SEC23A: variants seen among roughly 807,000 people sequenced by gnomAD.
The protein encoded by SEC23A is SEC23 homolog A, COPII component.
In SEC23A, 56 loss-of-function variants were observed where a neutral mutation model predicts 103.7. That is an observed-to-expected ratio of 0.54 (90% confidence interval 0.44 to 0.67). The LOEUF (loss-of-function observed/expected upper bound fraction) is 0.67. Among genes scored for constraint, SEC23A ranks in the 30% least tolerant of loss-of-function variants. SEC23A has a pLI of 0.00. For missense variants in SEC23A, 784 were observed against 936.4 expected (o/e 0.84, Z 2.12); for synonymous variants, 281 against 293.0 (o/e 0.96, Z 0.42).
chr14:39,075,889 A>T, intron 8 of SEC23A, 46 bp downstream of exon 8: 1 of 1,520,094 alleles, frequency 6.6e-7, no homozygotes, highest in Non-Finnish European at 9.1e-7. Flanking sequence ...CAGCAAATGA[A>T]TACCTGTTTT....
intron 13 of SEC23A, among the ~76,000 whole-genome samples, chr14:39,060,090 T>G (rs1168080929): frequency 6.8e-6 from 1 of 147,180 alleles, no homozygotes; most frequent in African/African-American, 2.6e-5. Context: ...TCAAATTTAA[T>G]GTGTGCACAC....
chr14:39,067,397 T>G, intron 9 of SEC23A, 101 bp from the exon 10 acceptor site: 1 of 1,302,762 alleles, frequency 7.7e-7, no homozygotes, highest in Non-Finnish European at 1.1e-6. Flanking sequence ...CCAATAAATT[T>G]TAAAGATATT....
intron 17 of SEC23A, chr14:39,041,409 CAAAAA>C (rs56911438): frequency 8.9e-4 from 13 of 14,638 alleles, no homozygotes; most frequent in African/African-American, 2.8e-3. Flanking sequence ...AAAGAAAAAG[CAAAAA>C]AAAAAAAAAA....
At chr14:39,094,421 TATATATATATATATATATATA>T (rs1887802355) in intron 2 of SEC23A, among the ~76,000 whole-genome samples, 3 of 63,182 alleles carry the variant, frequency 4.7e-5, no homozygotes, top group Admixed American at 2.0e-4. Context: ...TATATATATA[TATATATATATATATATATATA>T]TTTTTTTTTT....
At chr14:39,061,420 T>C (rs1886472966) in intron 13 of SEC23A, among the ~76,000 whole-genome samples, 1 of 152,010 alleles carries the variant, frequency 6.6e-6, no homozygotes, top group African/African-American at 2.4e-5. Context: ...TGAAAAGTAA[T>C]GTGATTAATT....
rs1455013676 is a variant in SEC23A, at chr14:39,065,763, C to G, written c.1228-770G>C. 2.0e-5 allele frequency among the ~76,000 whole-genome samples: 3 copies of G among 152,078 alleles called. No individual in the cohort carries two copies. In the East Asian group the frequency reaches 5.8e-4, roughly 29 times the overall value. ...CCTGTAATCCCAACACTTTGAGAGGCTGAGGCAGGTGGATCACCCAAGGTC... is the reference window on the plus strand; with the variant it reads ...CCTGTAATCCCAACACTTTGAGAGGGTGAGGCAGGTGGATCACCCAAGGTC... On this transcript the variant is annotated intron_variant, in intron 10 of 19. Coordinates refer to ENST00000307712, the MANE Select transcript of SEC23A (RefSeq NM_006364.4).
At chr14:39,053,196 A>G (rs904036166) in intron 14 of SEC23A, among the ~76,000 whole-genome samples, 1 of 152,198 alleles carries the variant, frequency 6.6e-6, no homozygotes, top group African/African-American at 2.4e-5. Flanking sequence ...ACAGTACAAT[A>G]AGTCAAAGCA....
At position 39,093,196 on chromosome 14, in the gene SEC23A, T is replaced by C. The variant is rs1887722098; in HGVS notation, c.270A>G (p.Gln90=). The part of the protein sequence containing the change: ...AKLWACNFCY[Q]RNQFPPSYAG... ...ATGGATGTTTTCTTACCTGATTCCT[T>C]TGGTAACAAAAGTTGCAAGCCCAAA... The change falls in exon 3 of 20, where the codon CAA becomes CAG. Residue 90 remains glutamine (Q), a synonymous_variant. Transcript: ENST00000307712. 1.2e-6 allele frequency: 2 copies of C among 1,612,868 alleles called. No homozygotes were observed. The highest frequency in any genetic ancestry group is 1.7e-6 in the Non-Finnish European group (2 of 1,179,714).
chr14:39,091,349 C>T, intron 5 of SEC23A, 128 bp downstream of exon 5: 1 of 694,980 alleles, frequency 1.4e-6, no homozygotes, highest in Non-Finnish European at 2.5e-6. Flanking sequence ...GAATTTAAAG[C>T]CTTTGTTATA....
intron 14 of SEC23A, among the ~76,000 whole-genome samples, chr14:39,051,364 C>T (rs748517758): frequency 6.6e-6 from 1 of 152,192 alleles, no homozygotes; most frequent in Admixed American, 6.5e-5. Context: ...CTAATCTGGT[C>T]TCTAGCCCCA....
chr14:39,072,079 C>CA (rs1886858650), intron 9 of SEC23A, among the ~76,000 whole-genome samples: 1 of 151,688 alleles, frequency 6.6e-6, no homozygotes, highest in African/African-American at 2.4e-5. Flanking sequence ...ACTAAAAATA[C>CA]AAAATAGTCG....
In SEC23A at chr14:39,033,479, T is replaced by C. The variant is rs1198843731; in HGVS notation, c.2209-151A>G. 9.3e-5 allele frequency: 12 copies of C among 128,644 alleles called. No individual in the cohort carries two copies. In the Admixed American group the frequency reaches 1.3e-3, roughly 13 times the overall value. The allele number at this position is 128,644 out of a possible 1,614,324, so 8.0% of individuals were successfully genotyped here. Reference sequence around the variant, plus strand: ...CTAACTGGCCTCCGTCCCTGGTTGCTGGGAGGGAGACTCTACATCCTTAGA... The same window carrying C: ...CTAACTGGCCTCCGTCCCTGGTTGCCGGGAGGGAGACTCTACATCCTTAGA... On this transcript the variant is annotated intron_variant, in intron 19 of 19. Transcript: ENST00000307712.
At chr14:39,084,221 T>A (rs1259229315) in intron 7 of SEC23A, among the ~76,000 whole-genome samples, 1 of 150,274 alleles carries the variant, frequency 6.7e-6, no homozygotes, top group Non-Finnish European at 1.5e-5. Context: ...AGAGACAGGG[T>A]TTCACCATGT....
chr14:39,063,432 G>GC lies in SEC23A; in HGVS notation c.1309-20dup, dbSNP rs746970176. On this transcript the variant is annotated intron_variant, in intron 11 of 19. Coordinates refer to ENST00000307712, the MANE Select transcript of SEC23A (RefSeq NM_006364.4). ...CTATCTCCTGTAAAAATAAAATATA[G>GC]CATGTTTGAAAGCTAGAGACACAAT... 2.7e-5 allele frequency: 39 copies of GC among 1,470,642 alleles called. No homozygotes were observed. The highest frequency in any genetic ancestry group is 3.5e-5 in the Non-Finnish European group (37 of 1,051,566). The allele number at this position is 1,470,642 out of a possible 1,614,324, so 91.1% of individuals were successfully genotyped here.
rs149289092 is a variant in SEC23A, at chr14:39,098,014, G to T, written c.-21-1875C>A. Among the ~76,000 whole-genome samples, 654 of 152,148 alleles carry T rather than the reference G, an allele frequency of 4.3e-3. 10 individuals are homozygous for T. The highest frequency in any genetic ancestry group is 0.04 in the East Asian group (206 of 5,186). On this transcript the variant is annotated intron_variant, in intron 1 of 19. Coordinates refer to ENST00000307712, the MANE Select transcript of SEC23A (RefSeq NM_006364.4). ...TGAGGCAGGAGAATCGCTTGAACTG[G>T]GGGGGCAGAGGTTGTGGTGAGCTGA... is the stretch of plus-strand genomic sequence containing the variant.
At position 39,048,747 on chromosome 14, in the gene SEC23A, T is replaced by A; in HGVS notation, c.1660-18A>T. On this transcript the variant is annotated intron_variant, in intron 14 of 19. Transcript: ENST00000307712. ...TTCTGACACTAAATAAAATAAAATGTGTTAGTAATTTATTTCCTGGAATAA... is the reference window on the plus strand; with the variant it reads ...TTCTGACACTAAATAAAATAAAATGAGTTAGTAATTTATTTCCTGGAATAA... The A allele has an allele frequency of 7.7e-7, 1 of 1,301,924 alleles. No individual in the cohort carries two copies. The allele number at this position is 1,301,924 out of a possible 1,614,324, so 80.6% of individuals were successfully genotyped here.
chr14:39,060,928 G>A (rs891768693), intron 13 of SEC23A, among the ~76,000 whole-genome samples: 1 of 152,066 alleles, frequency 6.6e-6, no homozygotes, highest in Non-Finnish European at 1.5e-5. Flanking sequence ...CCCTATAATT[G>A]AATCTGTTAG....
chr14:39,091,407 A>T (rs1049447692), intron 5 of SEC23A, 70 bp downstream of exon 5: 2 of 1,135,676 alleles, frequency 1.8e-6, no homozygotes, highest in African/African-American at 1.5e-5. Context: ...CTAGAAACAT[A>T]CAGAAGGCAT....
At chr14:39,055,047 T>G in intron 14 of SEC23A, 96 bp downstream of exon 14, 1 of 1,405,902 alleles carries the variant, frequency 7.1e-7, no homozygotes, top group South Asian at 1.2e-5. Flanking sequence ...GTATTTCAGA[T>G]ACACTGTTAA....
Sources: allele counts gnomAD v4.1 joint callset (sites outside exome capture counted in the v4.1 genomes callset), GRCh38; gene constraint gnomAD v4.1.1; transcripts MANE v1.5; gene names NCBI Gene and HGNC (gene_info 2026-07-23, HGNC 2026-07-21).